The following ZHX2 variants were observed in gnomAD, a reference collection of about 807,000 sequenced individuals.
The protein encoded by ZHX2 is zinc fingers and homeoboxes protein 2.
In ZHX2, 6 loss-of-function variants were observed where a neutral mutation model predicts 21.9. The ratio of observed to expected loss-of-function variants is 0.27; its 90% confidence interval spans 0.15 to 0.54. The LOEUF is 0.54. ZHX2 is among the 20% of genes least tolerant of loss of function. The probability of loss-of-function intolerance (pLI) is 0.95; values close to 1 mark genes in which losing one functional copy is unlikely to be tolerated. For missense variants in ZHX2, 908 were observed against 1,090.7 expected (o/e 0.83, Z 2.36); for synonymous variants, 434 against 437.1 (o/e 0.99, Z 0.09).
intron 2 of ZHX2, among the ~76,000 whole-genome samples, chr8:122,906,113 A>G (rs1820341447): frequency 6.6e-6 from 1 of 152,240 alleles, no homozygotes; most frequent in Non-Finnish European, 1.5e-5. Flanking sequence ...AATTATTATA[A>G]ACCCCAAACT....
intron 2 of ZHX2, among the ~76,000 whole-genome samples, chr8:122,866,984 C>T (rs1342026593): frequency 1.7e-5 from 2 of 120,160 alleles, no homozygotes; most frequent in Non-Finnish European, 3.4e-5. Flanking sequence ...GCCACCATGC[C>T]AGCTATTTTT....
intron 1 of ZHX2, among the ~76,000 whole-genome samples, chr8:122,838,005 A>G (rs1818542386): frequency 6.6e-6 from 1 of 152,092 alleles, no homozygotes; most frequent in South Asian, 2.1e-4. Flanking sequence ...AGGGGAGAGG[A>G]GGGTGGAAGA....
intron 2 of ZHX2, among the ~76,000 whole-genome samples, chr8:122,867,993 G>T (rs57834763): frequency 0.015 from 2,241 of 152,170 alleles, 57 homozygotes; most frequent in African/African-American, 0.051. Flanking sequence ...TAATTCTTCA[G>T]CCTGAGTTCC....
chr8:122,818,999 A>T (rs193249139), intron 1 of ZHX2, among the ~76,000 whole-genome samples: 6 of 152,228 alleles, frequency 3.9e-5, no homozygotes, highest in African/African-American at 1.4e-4. Flanking sequence ...GCAAGAGTGA[A>T]GATTTTTTGT....
chr8:122,897,308 C>T (rs1433657535), intron 2 of ZHX2, among the ~76,000 whole-genome samples: 1 of 152,310 alleles, frequency 6.6e-6, no homozygotes, highest in East Asian at 1.9e-4. Flanking sequence ...CATTGGGTTA[C>T]CAGAATGAAA....
chr8:122,934,175 A>G (rs1361733551), intron 2 of ZHX2, among the ~76,000 whole-genome samples: 1 of 152,188 alleles, frequency 6.6e-6, no homozygotes, highest in Non-Finnish European at 1.5e-5. Flanking sequence ...AAATTTATTT[A>G]TTATAAATAA....
At chr8:122,795,910 C>T (rs112717659) in intron 1 of ZHX2, among the ~76,000 whole-genome samples, 1 of 152,176 alleles carries the variant, frequency 6.6e-6, no homozygotes, top group African/African-American at 2.4e-5. Context: ...ATGGCTCACG[C>T]CTGTAATCCC....
At chr8:122,882,151 G>T (rs1243707126) in intron 2 of ZHX2, among the ~76,000 whole-genome samples, 1 of 151,944 alleles carries the variant, frequency 6.6e-6, no homozygotes, top group Non-Finnish European at 1.5e-5. Flanking sequence ...GTCTTAATCT[G>T]CCCCTGAGAT....
At chr8:122,795,055 C>A (rs1314998165) in intron 1 of ZHX2, among the ~76,000 whole-genome samples, 3 of 152,216 alleles carry the variant, frequency 2.0e-5, no homozygotes, top group Non-Finnish European at 4.4e-5. Context: ...GTGTTCCCAG[C>A]ACCAGCACAG....
intron 2 of ZHX2, among the ~76,000 whole-genome samples, chr8:122,936,766 C>T (rs1812708833): frequency 6.6e-6 from 1 of 152,214 alleles, no homozygotes; most frequent in East Asian, 1.9e-4. Flanking sequence ...CAGCTCAGCG[C>T]CCAGGCATGC....
At chr8:122,930,281 T>C (rs1292514656) in intron 2 of ZHX2, among the ~76,000 whole-genome samples, 3 of 152,156 alleles carry the variant, frequency 2.0e-5, no homozygotes, top group African/African-American at 7.2e-5. Flanking sequence ...GCAGAGGTGA[T>C]GGAAAGGACT....
rs1813105102 is a variant in ZHX2 at position 122,951,384 on chromosome 8, A to C, written c.-127A>C. 1 of 825,614 alleles carries C rather than the reference A, an allele frequency of 1.2e-6. No individual in the cohort carries two copies. Among genetic ancestry groups the C allele is most frequent in the Non-Finnish European group, 1.9e-6 (1 of 539,318 alleles). 51.1% of individuals were successfully genotyped at this position (825,614 alleles called of 1,614,324 possible). On this transcript the variant is annotated 5_prime_UTR_variant, in exon 3 of 4. Transcript: ENST00000314393. ...AAACTCAAACAGTAGACTTCAGCAC[A>C]CAAGGAAAGCCAAAGCCATTTGAGG...
chr8:122,866,965 C>T (rs1819314039), intron 2 of ZHX2, among the ~76,000 whole-genome samples: 1 of 151,266 alleles, frequency 6.6e-6, no homozygotes, highest in African/African-American at 2.4e-5. Context: ...GCTGGGATTA[C>T]AGGTGCCTGC....
In ZHX2 at chr8:122,892,227, ATATAAG is replaced by A. The variant is rs140711686; in HGVS notation, c.-220+28693_-220+28698del. ...TTTGGCTTAAAGTCTATTTTATCTA[ATATAAG>A]TATAGCTACTGCTGCTTGTTTCAGA... On this transcript the variant is annotated intron_variant, in intron 2 of 3. Transcript: ENST00000314393. 7.0e-3 allele frequency among the ~76,000 whole-genome samples: 1,059 copies of A among 152,296 alleles called. 4 individuals are homozygous for A. Among genetic ancestry groups the A allele is most frequent in the Middle Eastern group, 0.041 (12 of 294 alleles).
At chr8:122,971,371 ACT>A (rs1315284126) in intron 3 of ZHX2, among the ~76,000 whole-genome samples, 2 of 149,048 alleles carry the variant, frequency 1.3e-5, no homozygotes, top group Admixed American at 1.3e-4. Context: ...CAACTTGGTG[ACT>A]CTGGCTGGAT....
At chr8:122,913,971 C>G (rs1231295072) in intron 2 of ZHX2, among the ~76,000 whole-genome samples, 1 of 152,200 alleles carries the variant, frequency 6.6e-6, no homozygotes, top group African/African-American at 2.4e-5. Context: ...CTGATCTCCA[C>G]CCCCATAGAC....
chr8:122,930,149 C>T (rs968976587), intron 2 of ZHX2, among the ~76,000 whole-genome samples: 3 of 152,202 alleles, frequency 2.0e-5, no homozygotes, highest in African/African-American at 7.2e-5. Flanking sequence ...TGCTCTGCCT[C>T]CTCAGGGCTA....
chr8:122,959,540 C>A (rs2130330790), intron 3 of ZHX2, among the ~76,000 whole-genome samples: 1 of 152,302 alleles, frequency 6.6e-6, no homozygotes, highest in Non-Finnish European at 1.5e-5. Context: ...AGATTCAGAG[C>A]AGATGCTGAA....
chr8:122,870,655 A>G (rs1460857736), intron 2 of ZHX2, among the ~76,000 whole-genome samples: 2 of 144,914 alleles, frequency 1.4e-5, no homozygotes, highest in East Asian at 2.0e-4. Context: ...AAAAAAAAAA[A>G]AAAAAAAAAA....
Sources: gnomAD v4.1 joint callset for allele counts (sites outside exome capture counted in the v4.1 genomes callset) on GRCh38, gnomAD v4.1.1 for gene constraint, MANE v1.5 for transcripts, NCBI Gene and HGNC (gene_info 2026-07-23, HGNC 2026-07-21) for gene names.